The following ACTR3 variants were observed in gnomAD, a reference collection of about 807,000 sequenced individuals.
The protein encoded by ACTR3 is actin related protein 3, also known as actin-related protein 3.
Under a neutral mutation model 56.8 loss-of-function variants are expected in ACTR3, and 12 were observed. The ratio of observed to expected loss-of-function variants is 0.21; its 90% confidence interval spans 0.14 to 0.34. The LOEUF is 0.34. Ranked by LOEUF, ACTR3 falls within the 10% of genes least tolerant of loss-of-function variation. The pLI, the probability that ACTR3 is intolerant of heterozygous loss-of-function variation, is 1.00. For synonymous variants in ACTR3, 162 were observed against 167.4 expected (o/e 0.97, Z 0.25); for missense variants, 282 against 512.5 (o/e 0.55, Z 4.34).
Position 113,957,451 on chromosome 2 carries a change from C to T in ACTR3, c.1253C>T (p.Ser418Leu). 1 of 1,611,472 alleles carries T rather than the reference C, an allele frequency of 6.2e-7. No individual in the cohort carries two copies. Among genetic ancestry groups the T allele is most frequent in the Non-Finnish European group, 8.5e-7 (1 of 1,178,262 alleles). The change falls in exon 12 of 12, where the codon TCG (serine) becomes TTG (leucine). Residue 418 changes from serine (S) to leucine (L), a missense_variant. Coordinates refer to ENST00000263238, the MANE Select transcript of ACTR3 (RefSeq NM_005721.5). ...CRHNPVFGVM[S>L] ...CACAATCCAGTGTTTGGAGTCATGTCGTAAAATTGGCTTCATAGTTATTGG... is the reference window on the plus strand; with the variant it reads ...CACAATCCAGTGTTTGGAGTCATGTTGTAAAATTGGCTTCATAGTTATTGG...
intron 1 of ACTR3, among the ~76,000 whole-genome samples, chr2:113,900,866 A>G (rs1166447962): frequency 1.3e-5 from 2 of 152,250 alleles, no homozygotes; most frequent in African/African-American, 4.8e-5. Context: ...ACAGTCCATC[A>G]GTATTTTTGT....
upstream of ACTR3, chr2:113,890,015 A>G (rs1559448258): frequency 5.4e-6 from 3 of 553,218 alleles, no homozygotes; most frequent in Admixed American, 3.4e-5. Flanking sequence ...GGGTGGGGGC[A>G]GGAGTGAGGA....
chr2:113,907,976 C>CCAAA (rs1491511408), intron 1 of ACTR3, among the ~76,000 whole-genome samples: 3 of 69,080 alleles, frequency 4.3e-5, no homozygotes, highest in Admixed American at 1.6e-4. Context: ...CTCTGTCCCC[C>CCAAA]AAAAAAAAAA....
chr2:113,902,390 A>G (rs1350353678), intron 1 of ACTR3, among the ~76,000 whole-genome samples: 1 of 150,642 alleles, frequency 6.6e-6, no homozygotes, highest in Non-Finnish European at 1.5e-5. Context: ...AAAATGATGT[A>G]TTATATATTT....
intron 4 of ACTR3, among the ~76,000 whole-genome samples, chr2:113,929,246 G>A (rs1395509176): frequency 6.6e-6 from 1 of 151,802 alleles, no homozygotes; most frequent in African/African-American, 2.4e-5. Flanking sequence ...AGCTCAAACA[G>A]TTCTCCCAGC....
intron 3 of ACTR3, among the ~76,000 whole-genome samples, chr2:113,917,469 GTTAA>G (rs1679428845): frequency 6.6e-6 from 1 of 151,804 alleles, no homozygotes; most frequent in South Asian, 2.1e-4. Context: ...GTATGTAAGT[GTTAA>G]TTATACAGTT....
At chr2:113,950,151 T>C (rs564789325) in intron 8 of ACTR3, among the ~76,000 whole-genome samples, 1 of 152,340 alleles carries the variant, frequency 6.6e-6, no homozygotes, top group Admixed American at 6.5e-5. Flanking sequence ...TCATGTGTGT[T>C]TCTTTTTAAA....
Position 113,935,010 on chromosome 2 carries a change from A to T in ACTR3, c.540+624A>T, listed in dbSNP as rs553904572. 6.2e-4 allele frequency among the ~76,000 whole-genome samples: 94 copies of T among 152,030 alleles called. 1 individual carries two copies. Among genetic ancestry groups the T allele is most frequent in the African/African-American group, 2.1e-3 (88 of 41,510 alleles). On this transcript the variant is annotated intron_variant, in intron 6 of 11. Coordinates refer to ENST00000263238, the MANE Select transcript of ACTR3 (RefSeq NM_005721.5). The stretch of plus-strand genomic sequence containing the variant: ...TAATTTTTATATTATAATGAATATC[A>T]CTTAAGGATTTACATTATTTTGAAC...
chr2:113,891,840 T>G (rs1319729289), intron 1 of ACTR3, among the ~76,000 whole-genome samples: 3 of 152,136 alleles, frequency 2.0e-5, no homozygotes, highest in Non-Finnish European at 4.4e-5. Flanking sequence ...GATGAACACT[T>G]TATTTAAAAG....
At chr2:113,910,278 G>A (rs1679283042) in intron 1 of ACTR3, among the ~76,000 whole-genome samples, 1 of 152,164 alleles carries the variant, frequency 6.6e-6, no homozygotes, top group Non-Finnish European at 1.5e-5. Flanking sequence ...CTTTCAGATA[G>A]CTGAACACGT....
At chr2:113,909,316 A>G (rs1024518347) in intron 1 of ACTR3, among the ~76,000 whole-genome samples, 60 of 152,174 alleles carry the variant, frequency 3.9e-4, no homozygotes, top group Admixed American at 1.1e-3. Flanking sequence ...GTTTATTTTG[A>G]AAGTAATTCA....
At position 113,927,414 on chromosome 2, in the gene ACTR3, A is replaced by C; in HGVS notation, c.295A>C (p.Lys99Gln). 6.3e-7 allele frequency: 1 copy of C among 1,595,252 alleles called. No homozygotes were observed. The highest frequency in any genetic ancestry group is 8.6e-7 in the Non-Finnish European group (1 of 1,168,712). ...AAGGTTTATGGAGCAAGTGATCTTT[A>C]AATATTTAAGGGCAGAACCTGAAGA... ...MERFMEQVIF[K>Q]YLRAEPEDHY... Residue 99 changes from lysine (K) to glutamine (Q), a missense_variant, in exon 4 of 12, where the codon AAA becomes CAA. Transcript: ENST00000263238.
chr2:113,922,794 A>G (rs1679535279), intron 3 of ACTR3, among the ~76,000 whole-genome samples: 3 of 152,234 alleles, frequency 2.0e-5, no homozygotes, highest in South Asian at 2.1e-4. Flanking sequence ...TAGACTGTGT[A>G]TATTGATGGC....
intron 11 of ACTR3, among the ~76,000 whole-genome samples, chr2:113,956,757 CTT>C (rs1680221428): frequency 6.6e-6 from 1 of 152,178 alleles, no homozygotes; most frequent in African/African-American, 2.4e-5. Flanking sequence ...AACTGTACAA[CTT>C]TGGATTTAAA....
At chr2:113,955,267 AT>A (rs1680189422) in intron 10 of ACTR3, 1 of 161,360 alleles carries the variant, frequency 6.2e-6, no homozygotes, top group Admixed American at 6.4e-5. Flanking sequence ...AAAAAGTACA[AT>A]TAGTTTAATT....
intron 1 of ACTR3, among the ~76,000 whole-genome samples, chr2:113,902,387 T>C (rs3791736): frequency 0.12 from 17,933 of 151,828 alleles, 1,661 homozygotes; most frequent in East Asian, 0.36. Context: ...TGTAAAATGA[T>C]GTATTATATA....
Position 113,929,143 on chromosome 2 carries a change from T to G in ACTR3, c.336+1688T>G, listed in dbSNP as rs1437693594. On this transcript the variant is annotated intron_variant, in intron 4 of 11. Transcript: ENST00000263238. Reference sequence around the variant, plus strand: ...TGGGCTATTTTTGTTTTTTTTTTGTTTTTGTTTTTGTTTTTTTAAGACAGG... The same window carrying G: ...TGGGCTATTTTTGTTTTTTTTTTGTGTTTGTTTTTGTTTTTTTAAGACAGG... Among the ~76,000 whole-genome samples, 5 of 152,146 alleles carry G rather than the reference T, an allele frequency of 3.3e-5. No individual in the cohort carries two copies. The East Asian group carries it at 9.7e-4, about 29-fold the overall frequency.
chr2:113,890,599 C>G, intron 1 of ACTR3: 1 of 1,327,520 alleles, frequency 7.5e-7, no homozygotes, highest in Non-Finnish European at 9.6e-7. Context: ...CCTTCCCCCA[C>G]TACGGTGGGC....
rs562998644 is a variant in ACTR3 at position 113,914,292 on chromosome 2, C to A, written c.100+1065C>A. On this transcript the variant is annotated intron_variant, in intron 2 of 11. Coordinates refer to ENST00000263238, the MANE Select transcript of ACTR3 (RefSeq NM_005721.5). ...TGTTTTGTCATTTGTGTAGTAAGAA[C>A]AAAATTAAGTGTGTGGCATTAAAGA... Among the ~76,000 whole-genome samples, 31 of 152,236 alleles carry A rather than the reference C, an allele frequency of 2.0e-4. No homozygotes were observed. The South Asian group carries it at 6.2e-3, about 31-fold the overall frequency.
Sources: gnomAD v4.1 joint callset for allele counts (sites outside exome capture counted in the v4.1 genomes callset) on GRCh38, gnomAD v4.1.1 for gene constraint, MANE v1.5 for transcripts, NCBI Gene and HGNC (gene_info 2026-07-23, HGNC 2026-07-21) for gene names.